Variants in PLCG2 observed in about 807,000 individuals in gnomAD.
The protein encoded by PLCG2 is phospholipase C gamma 2.
Under a neutral mutation model 175.6 loss-of-function variants are expected in PLCG2, and 69 were observed. The observed-to-expected ratio is 0.39, with a 90% CI of 0.32 to 0.48. The LOEUF (loss-of-function observed/expected upper bound fraction) is 0.48. Ranked by LOEUF, PLCG2 falls within the 20% of genes least tolerant of loss-of-function variation. The pLI is 0.91. For synonymous variants in PLCG2, 827 were observed against 624.0 expected (o/e 1.33, Z -4.85); for missense variants, 1,798 against 1,650.9 (o/e 1.09, Z -1.54).
chr16:81,794,826 T>C (rs757790600), intron 2 of PLCG2, among the ~76,000 whole-genome samples: 7 of 152,204 alleles, frequency 4.6e-5, no homozygotes, highest in Non-Finnish European at 8.8e-5. Context: ...ATTTTCCATT[T>C]ATATGAGGAT....
intron 2 of PLCG2, among the ~76,000 whole-genome samples, chr16:81,801,763 C>T (rs897880674): frequency 3.9e-5 from 6 of 152,076 alleles, no homozygotes; most frequent in African/African-American, 1.2e-4. Flanking sequence ...TCACTGCAAC[C>T]TCCGCCTCCA....
intron 31 of PLCG2, among the ~76,000 whole-genome samples, chr16:81,948,010 G>A (rs1316392276): frequency 6.6e-6 from 1 of 152,134 alleles, no homozygotes; most frequent in African/African-American, 2.4e-5. Context: ...ATTGATGCCT[G>A]TTTCATCAGG....
chr16:81,851,728 G>T (rs990345216), intron 2 of PLCG2, among the ~76,000 whole-genome samples: 3 of 152,222 alleles, frequency 2.0e-5, no homozygotes, highest in Non-Finnish European at 4.4e-5. Flanking sequence ...GGCCAGGCTG[G>T]TCTCGAATTC....
intron 5 of PLCG2, among the ~76,000 whole-genome samples, chr16:81,868,289 C>T (rs1182987979): frequency 6.6e-6 from 1 of 150,810 alleles, no homozygotes; most frequent in African/African-American, 2.4e-5. Context: ...TCATGTAGGC[C>T]TTGTTCCTTC....
At chr16:81,838,778 A>AATATATATATATATATATATATATAT (rs10549962) in intron 2 of PLCG2, among the ~76,000 whole-genome samples, 3 of 141,692 alleles carry the variant, frequency 2.1e-5, no homozygotes, top group African/African-American at 7.8e-5. Context: ...AGTAAAATTA[A>AATATATATATATATATATATATATAT]ATATATATAT....
intron 2 of PLCG2, among the ~76,000 whole-genome samples, chr16:81,803,497 A>G (rs1911835114): frequency 2.0e-5 from 3 of 149,012 alleles, no homozygotes; most frequent in Non-Finnish European, 4.5e-5. Context: ...CTTTTTGGTT[A>G]CTGTTTTCAT....
intron 2 of PLCG2, among the ~76,000 whole-genome samples, chr16:81,793,662 G>A (rs1435271822): frequency 6.6e-6 from 1 of 152,170 alleles, no homozygotes; most frequent in Non-Finnish European, 1.5e-5. Flanking sequence ...GGTTCTTGGG[G>A]TTCCCACTTA....
chr16:81,818,600 G>A (rs1904654754), intron 2 of PLCG2, among the ~76,000 whole-genome samples: 1 of 152,066 alleles, frequency 6.6e-6, no homozygotes, highest in Non-Finnish European at 1.5e-5. Context: ...GTTTCTGGAG[G>A]CTTCAGTGGC....
exon 1 of PLCG2, chr16:81,739,364 G>T (rs1028161476): frequency 6.6e-6 from 1 of 152,052 alleles, no homozygotes; most frequent in Non-Finnish European, 1.5e-5. Flanking sequence ...GCCAACTTGC[G>T]CTTGTGGCAG....
At chr16:81,899,380 T>A (rs546079660) in intron 13 of PLCG2, among the ~76,000 whole-genome samples, 14 of 151,838 alleles carry the variant, frequency 9.2e-5, no homozygotes, top group Non-Finnish European at 2.1e-4. Context: ...TACATACACG[T>A]TCACATGATA....
At chr16:81,778,342 C>T (rs778576541), upstream of PLCG2, among the ~76,000 whole-genome samples, 2 of 152,148 alleles carry the variant, frequency 1.3e-5, no homozygotes, top group Non-Finnish European at 2.9e-5. Flanking sequence ...TGCACTCCAG[C>T]CTGGGTGACA....
chr16:81,768,583 G>T (rs1187581406), intron 2 of PLCG2, among the ~76,000 whole-genome samples: 3 of 71,658 alleles, frequency 4.2e-5, no homozygotes, highest in Non-Finnish European at 5.1e-5. Context: ...TTTTTTTCCC[G>T]AGATGGAGTT....
chr16:81,945,866 C>T (rs1386790217), intron 30 of PLCG2, among the ~76,000 whole-genome samples: 1 of 152,212 alleles, frequency 6.6e-6, no homozygotes, highest in Non-Finnish European at 1.5e-5. Flanking sequence ...TGAACCACAG[C>T]TGCAATCACT....
chr16:81,952,993 C>A (rs1446110920), intron 31 of PLCG2, among the ~76,000 whole-genome samples: 1 of 152,220 alleles, frequency 6.6e-6, no homozygotes, highest in Non-Finnish European at 1.5e-5. Flanking sequence ...GTTGAAATCA[C>A]GTACTTCCTG....
intron 1 of PLCG2, among the ~76,000 whole-genome samples, chr16:81,780,133 G>T (rs983895543): frequency 6.6e-6 from 1 of 152,118 alleles, no homozygotes; most frequent in African/African-American, 2.4e-5. Flanking sequence ...TCTTGAACTA[G>T]GGTGAGAAAC....
upstream of PLCG2, among the ~76,000 whole-genome samples, chr16:81,776,896 G>C (rs1441451252): frequency 6.6e-6 from 1 of 152,150 alleles, no homozygotes; most frequent in Non-Finnish European, 1.5e-5. Context: ...GTTTGAGAAA[G>C]AGATGAAGGG....
Position 81,942,484 on chromosome 16 carries a change from C to G in PLCG2, c.3481+2425C>G, listed in dbSNP as rs74649627. ...CATGGGAGGAATGAAATAGAATGAA[C>G]AGGAGGCATTGAGGGTCTTCCATAC... On this transcript the variant is annotated intron_variant, in intron 30 of 32. Transcript: ENST00000564138. 2.4e-3 allele frequency among the ~76,000 whole-genome samples: 371 copies of G among 152,288 alleles called. 13 individuals are homozygous for G. In the East Asian group the frequency reaches 0.062, roughly 25 times the overall value.
chr16:81,843,338 C>G (rs535204236), intron 2 of PLCG2, among the ~76,000 whole-genome samples: 2 of 152,338 alleles, frequency 1.3e-5, no homozygotes, highest in African/African-American at 2.4e-5. Context: ...CACCTTTACA[C>G]TCATACGTGC....
At position 81,786,015 on chromosome 16, in the gene PLCG2, C is replaced by A. The variant is rs1381077690; in HGVS notation, c.26C>A (p.Ser9Tyr). 25 of 1,614,068 alleles carry A rather than the reference C, an allele frequency of 1.5e-5. No homozygotes were observed. In the Admixed American group the frequency reaches 4.2e-4, roughly 27 times the overall value. Reference sequence around the variant, plus strand: ...ATGTCCACCACGGTCAATGTAGATTCCCTTGCGGAATATGAGAAGAGCCAG... The same window carrying A: ...ATGTCCACCACGGTCAATGTAGATTACCTTGCGGAATATGAGAAGAGCCAG... The part of the protein sequence containing the change: MSTTVNVD[S>Y]LAEYEKSQIK... Residue 9 changes from serine to tyrosine, a missense_variant, in exon 2 of 33, where the codon TCC (serine) becomes TAC (tyrosine). By Grantham distance (144) the Ser-to-Tyr change is moderately radical. Transcript: ENST00000564138.
Sources: gnomAD v4.1 joint callset for allele counts (sites outside exome capture counted in the v4.1 genomes callset) on GRCh38, gnomAD v4.1.1 for gene constraint, MANE v1.5 for transcripts, NCBI Gene and HGNC (gene_info 2026-07-23, HGNC 2026-07-21) for gene names.